CTIF: variants seen among roughly 807,000 people sequenced by gnomAD.
CTIF encodes cap binding complex dependent translation initiation factor.
A neutral mutation model predicts 66.0 loss-of-function variants in CTIF; 21 were observed. That is an observed-to-expected ratio of 0.32 (90% CI 0.23 to 0.46). The LOEUF (loss-of-function observed/expected upper bound fraction) is 0.46. Among genes scored for constraint, CTIF ranks in the 20% least tolerant of loss-of-function variants. The pLI is 1.00. For synonymous variants in CTIF, 345 were observed against 326.4 expected, an observed-to-expected ratio of 1.06 and a Z score of -0.62; for missense variants, 739 against 812.7, an observed-to-expected ratio of 0.91 and a Z score of 1.10.
intron 3 of CTIF, among the ~76,000 whole-genome samples, chr18:48,638,913 T>A (rs1054106786): frequency 4.6e-5 from 7 of 151,982 alleles, no homozygotes; most frequent in African/African-American, 1.7e-4. Context: ...AGAGGCAAGG[T>A]TTTGTGGGAG....
intron 1 of CTIF, among the ~76,000 whole-genome samples, chr18:48,588,662 G>T (rs964869560): frequency 6.6e-6 from 1 of 151,930 alleles, no homozygotes; most frequent in Non-Finnish European, 1.5e-5. Flanking sequence ...TCTCCTGGCT[G>T]CATCTTCTGA....
chr18:48,625,281 T>C, intron 2 of CTIF: 1 of 874,862 alleles, frequency 1.1e-6, no homozygotes, highest in Non-Finnish European at 1.4e-6. Flanking sequence ...ATGGGGGATT[T>C]ATTATATATT....
chr18:48,849,796 G>A (rs539149200), intron 10 of CTIF, among the ~76,000 whole-genome samples: 18 of 151,910 alleles, frequency 1.2e-4, no homozygotes, highest in Non-Finnish European at 2.1e-4. Flanking sequence ...ATGTTGGCCA[G>A]GTTGATCTTG....
rs182759434 is a variant in CTIF, at chr18:48,769,173, G to A, written c.1371+7484G>A. On this transcript the variant is annotated intron_variant, in intron 9 of 11. Transcript: ENST00000256413. ...ATTTCTGCACACCCACCGCTGAGCC[G>A]ATGTGCACTCCAGGCATGTAAACTA... is the stretch of plus-strand genomic sequence containing the variant. 4.9e-4 allele frequency among the ~76,000 whole-genome samples: 75 copies of A among 152,276 alleles called. No individual in the cohort carries two copies. The East Asian group carries it at 0.012, about 24-fold the overall frequency.
chr18:48,794,400 C>CCTTTA (rs2067863678), intron 9 of CTIF, among the ~76,000 whole-genome samples: 1 of 152,168 alleles, frequency 6.6e-6, no homozygotes, highest in African/African-American at 2.4e-5. Flanking sequence ...ATCTGCAACT[C>CCTTTA]GAGAGCTAAG....
At chr18:48,568,631 T>TA (rs2089330581) in intron 1 of CTIF, among the ~76,000 whole-genome samples, 1 of 25,904 alleles carries the variant, frequency 3.9e-5, no homozygotes, top group Admixed American at 6.7e-4. Flanking sequence ...CTGGGCAATT[T>TA]GTAAAAAAAA....
chr18:48,794,108 A>C (rs1363170884), intron 9 of CTIF, among the ~76,000 whole-genome samples: 2 of 152,082 alleles, frequency 1.3e-5, no homozygotes, highest in Non-Finnish European at 2.9e-5. Flanking sequence ...GGTGGCTCTC[A>C]GCCCCCCAAA....
intron 1 of CTIF, among the ~76,000 whole-genome samples, chr18:48,563,114 G>T (rs987173743): frequency 6.6e-6 from 1 of 152,204 alleles, no homozygotes; most frequent in African/African-American, 2.4e-5. Flanking sequence ...CTGCAGACCG[G>T]CCCTTTCTTA....
Position 48,761,641 on chromosome 18 carries a change from T to A in CTIF, c.1323T>A (p.Phe441Leu). Residue 441 changes from phenylalanine to leucine, a missense_variant, in exon 9 of 12, where the codon TTT becomes TTA. Transcript: ENST00000256413. The surrounding 1 kb of genome is among the most constrained non-coding windows in gnomAD (Gnocchi z 4.2). ...AGCTCTGCGACAAGATGGCGCTCTT[T>A]ATGGTGGAGGGGACCAAGTTCCGGA... Reference protein sequence around the residue: ...AAKLCDKMALFMVEGTKFRSL... With the variant: ...AAKLCDKMALLMVEGTKFRSL... 6.2e-7 allele frequency: 1 copy of A among 1,613,810 alleles called. No individual in the cohort carries two copies. The highest frequency in any genetic ancestry group is 1.1e-5 in the South Asian group (1 of 91,076).
chr18:48,601,629 A>G (rs1273592583), intron 1 of CTIF, among the ~76,000 whole-genome samples: 3 of 152,244 alleles, frequency 2.0e-5, no homozygotes, highest in Non-Finnish European at 4.4e-5. Context: ...TTCTTTGCTT[A>G]CTGACACATT....
At position 48,761,378 on chromosome 18, in the gene CTIF, C is replaced by T. The variant is rs759502704; in HGVS notation, c.1072-12C>T. ...TCACTCAGGCACATTCATTTGTCTC[C>T]GACACCCCCAGGATGAAGTGGCCGT... On this transcript the variant is annotated splice_polypyrimidine_tract_variant and intron_variant, in intron 8 of 11. Transcript: ENST00000256413. The surrounding 1 kb of genome is among the most constrained non-coding windows in gnomAD (Gnocchi z 4.2). 1.4e-5 allele frequency: 23 copies of T among 1,609,114 alleles called. No individual in the cohort carries two copies. Among genetic ancestry groups the T allele is most frequent in the Middle Eastern group, 3.3e-4 (2 of 6,066 alleles).
chr18:48,598,485 A>G (rs142305966), intron 1 of CTIF, among the ~76,000 whole-genome samples: 1 of 152,238 alleles, frequency 6.6e-6, no homozygotes, highest in East Asian at 1.9e-4. Context: ...CAGACTCAGA[A>G]TATATGCAGC....
At chr18:48,636,584 C>T (rs772732956) in intron 2 of CTIF, 30 bp from the exon 3 acceptor site, 38 of 1,494,486 alleles carry the variant, frequency 2.5e-5, no homozygotes, top group South Asian at 7.0e-5. Flanking sequence ...GCTGTCCTGC[C>T]GTCACTGATC....
chr18:48,786,113 C>T (rs1911683691), intron 9 of CTIF, among the ~76,000 whole-genome samples: 1 of 152,184 alleles, frequency 6.6e-6, no homozygotes, highest in African/African-American at 2.4e-5. Flanking sequence ...CCCCGCACAG[C>T]ATCAGTGAGT....
chr18:48,856,848 T>C (rs1231432451), intron 10 of CTIF, among the ~76,000 whole-genome samples: 2 of 152,218 alleles, frequency 1.3e-5, no homozygotes, highest in African/African-American at 4.8e-5. Flanking sequence ...TGCACAATTC[T>C]GGGGATATCC....
intron 1 of CTIF, among the ~76,000 whole-genome samples, chr18:48,593,442 G>A (rs1393412017): frequency 2.0e-5 from 3 of 150,034 alleles, no homozygotes; most frequent in Non-Finnish European, 4.4e-5. Flanking sequence ...GTGCAGTGGC[G>A]CGATCTCGGC....
intron 7 of CTIF, among the ~76,000 whole-genome samples, chr18:48,718,513 A>G (rs1300413868): frequency 2.0e-5 from 3 of 152,216 alleles, no homozygotes; most frequent in Non-Finnish European, 1.5e-5. Flanking sequence ...GACCGTAAGC[A>G]TACCATGTGT....
Position 48,860,037 on chromosome 18 carries a change from C to A in CTIF, c.*478C>A. 2.3e-6 allele frequency: 1 copy of A among 434,714 alleles called. No homozygotes were observed. Among genetic ancestry groups the A allele is most frequent in the Non-Finnish European group, 4.7e-6 (1 of 213,104 alleles). The allele number at this position is 434,714 out of a possible 1,614,324, so 26.9% of individuals were successfully genotyped here. A position where few individuals can be genotyped will look rare whatever the true frequency, so the allele number is the denominator to read the frequency against. ...GCTGTCAGCCGCAGTCGCCAACTGG[C>A]AGCAGGCGACGTGTAGCAGATGTCC... On this transcript the variant is annotated 3_prime_UTR_variant, in exon 12 of 12. Coordinates refer to ENST00000256413, the MANE Select transcript of CTIF (RefSeq NM_014772.3).
At chr18:48,717,003 G>T (rs1030817060) in intron 7 of CTIF, among the ~76,000 whole-genome samples, 1 of 152,144 alleles carries the variant, frequency 6.6e-6, no homozygotes, top group Non-Finnish European at 1.5e-5. Flanking sequence ...TGGGCCACAT[G>T]CTGGACGTTG....
Sources: gnomAD v4.1 joint callset for allele counts (sites outside exome capture counted in the v4.1 genomes callset) on GRCh38, gnomAD v4.1.1 for gene constraint, Gnocchi (gnomAD v3.1) non-coding constraint, MANE v1.5 for transcripts, NCBI Gene and HGNC (gene_info 2026-07-23, HGNC 2026-07-21) for gene names.